Variants in TLN1 observed in about 807,000 individuals in gnomAD.
TLN1 encodes the protein talin-1.
Under a neutral mutation model 292.3 loss-of-function variants are expected in TLN1, and 56 were observed. The ratio of observed to expected loss-of-function variants is 0.19; its 90% CI spans 0.15 to 0.24. TLN1 has a LOEUF of 0.24. Among genes scored for constraint, TLN1 ranks in the 10% least tolerant of loss-of-function variants. The pLI is 1.00. For synonymous variants in TLN1, 1,119 were observed against 1,253.7 expected (o/e 0.89, Z 2.27); for missense variants, 2,433 against 3,248.2 (o/e 0.75, Z 6.10).
intron 17 of TLN1, 90 bp downstream of exon 17, chr9:35,718,722 A>G: frequency 8.6e-7 from 1 of 1,165,208 alleles, no homozygotes; most frequent in South Asian, 1.3e-5. Context: ...TTAGGGGTCA[A>G]TTCACAGAAG....
At position 35,705,580 on chromosome 9, in the gene TLN1, G is replaced by A. The variant is rs770507067; in HGVS notation, c.5704C>T (p.Pro1902Ser). 19 of 1,603,156 alleles carry A rather than the reference G, an allele frequency of 1.2e-5. No homozygotes were observed. The highest frequency in any genetic ancestry group is 1.6e-5 in the Non-Finnish European group (19 of 1,172,188). ...DYGRLASEAKPAAVAAENEEI... is the reference protein window; with the variant it reads ...DYGRLASEAKSAAVAAENEEI... The stretch of plus-strand genomic sequence containing the variant: ...TCATTTTCAGCAGCCACCGCTGCAG[G>A]CTTGGCCTCCGAGGCCAGACGGCCA... The change falls in exon 43 of 57, where the codon CCT becomes TCT. Residue 1902 changes from proline to serine, a missense_variant. Transcript: ENST00000314888.
chr9:35,706,969 G>A lies in TLN1; in HGVS notation c.4956-69C>T, dbSNP rs115517578. ...TGCAAGGCCAGCCTATCCTTCCCCT[G>A]TATCCTCCCAACACCATCCCATCTC... On this transcript the variant is annotated intron_variant, in intron 37 of 56. Transcript: ENST00000314888. The surrounding 1 kb of genome is among the most constrained non-coding windows in gnomAD (Gnocchi z 4.2). 721 of 1,608,622 alleles carry A rather than the reference G, an allele frequency of 4.5e-4. 5 individuals carry two copies. The African/African-American group carries it at 8.3e-3, about 19-fold the overall frequency.
Position 35,720,428 on chromosome 9 carries a change from C to T in TLN1, c.1283+5G>A, listed in dbSNP as rs775138869. On this transcript the variant is annotated splice_donor_5th_base_variant and intron_variant, in intron 12 of 56. Coordinates refer to ENST00000314888, the MANE Select transcript of TLN1 (RefSeq NM_006289.4). The stretch of plus-strand genomic sequence containing the variant: ...GAAATGGGATCAGCCCAACTCCCTT[C>T]GTACTTTTTGGGGGACACTGAGTCC... 20 of 1,613,838 alleles carry T rather than the reference C, an allele frequency of 1.2e-5. No individual in the cohort carries two copies. The highest frequency in any genetic ancestry group is 6.7e-5 in the Admixed American group (4 of 59,978).
In TLN1 at chr9:35,698,610, C is replaced by T. The variant is rs1476441779; in HGVS notation, c.7188+7G>A. On this transcript the variant is annotated splice_region_variant and intron_variant, in intron 54 of 56. Transcript: ENST00000314888. This position sits in a 1 kb window ranked among gnomAD's most constrained non-coding sequence, Gnocchi z 5.3. ...CTGAGAGAGACCTAGTGGTATTGCACACTTACAGCAGAAATGAGGCCCTGG... is the reference window on the plus strand; with the variant it reads ...CTGAGAGAGACCTAGTGGTATTGCATACTTACAGCAGAAATGAGGCCCTGG... The T allele has an allele frequency of 4.3e-6, 7 of 1,614,178 alleles. No individual in the cohort carries two copies. Among genetic ancestry groups the T allele is most frequent in the South Asian group, 3.3e-5 (3 of 91,088 alleles).
Position 35,719,784 on chromosome 9 carries a change from T to A in TLN1, c.1534A>T (p.Thr512Ser), listed in dbSNP as rs1587987606. 6.2e-7 allele frequency: 1 copy of A among 1,606,808 alleles called. No homozygotes were observed. The change falls in exon 14 of 57, where the codon ACC becomes TCC. Residue 512 changes from threonine to serine, a missense_variant. By Grantham distance (58) the Thr-to-Ser change is moderately conservative. Coordinates refer to ENST00000314888, the MANE Select transcript of TLN1 (RefSeq NM_006289.4). The surrounding 1 kb of genome is among the most constrained non-coding windows in gnomAD (Gnocchi z 4.6). Reference sequence around the variant, plus strand: ...GGCAGAGTGTCAAAGTCATCCAGGGTGGCCTGGGCAGCCTGCACGGCCTGC... The same window carrying A: ...GGCAGAGTGTCAAAGTCATCCAGGGAGGCCTGGGCAGCCTGCACGGCCTGC... ...SMQAVQAAQA[T>S]LDDFDTLPPL...
rs1317189014 is a variant in TLN1, at chr9:35,724,165, C to T, written c.654+27G>A. 1.8e-5 allele frequency: 29 copies of T among 1,613,882 alleles called. No homozygotes were observed. The highest frequency in any genetic ancestry group is 2.3e-5 in the Non-Finnish European group (27 of 1,179,920). ...GCTTCCGAGCCCTCCCTATTCCTGC[C>T]CCACCCCAGCCAAGTCCTCTGCATA... On this transcript the variant is annotated intron_variant, in intron 6 of 56. Transcript: ENST00000314888. The surrounding 1 kb of genome is among the most constrained non-coding windows in gnomAD (Gnocchi z 4.7).
rs1005502543 is a variant in TLN1, at chr9:35,717,123, T to C, written c.2458+23A>G. On this transcript the variant is annotated intron_variant, in intron 19 of 56. Transcript: ENST00000314888. This position sits in a 1 kb window ranked among gnomAD's most constrained non-coding sequence, Gnocchi z 4.7. ...AGGGAACCCTGGTAGGGTTTTTTGTTTTCCTGGGGGTGCGTGTCTTACCAG... is the reference window on the plus strand; with the variant it reads ...AGGGAACCCTGGTAGGGTTTTTTGTCTTCCTGGGGGTGCGTGTCTTACCAG... The C allele has an allele frequency of 1.9e-6, 3 of 1,572,066 alleles. No homozygotes were observed. The highest frequency in any genetic ancestry group is 3.6e-5 in the Admixed American group (2 of 55,956).
At position 35,716,372 on chromosome 9, in the gene TLN1, G is replaced by A. The variant is rs2131898262; in HGVS notation, c.2625+18C>T. 2 of 1,613,882 alleles carry A rather than the reference G, an allele frequency of 1.2e-6. No individual in the cohort carries two copies. Among genetic ancestry groups the A allele is most frequent in the Middle Eastern group, 3.3e-4 (2 of 6,062 alleles). ...CCTCTAGGGTCCAGTCTGGGAGTGTGCACAGAAGGCTTTGTACCTTGGCAG... is the reference window on the plus strand; with the variant it reads ...CCTCTAGGGTCCAGTCTGGGAGTGTACACAGAAGGCTTTGTACCTTGGCAG... On this transcript the variant is annotated intron_variant, in intron 20 of 56. Transcript: ENST00000314888.
In TLN1 at chr9:35,714,864, G is replaced by C; in HGVS notation, c.2767C>G (p.Gln923Glu). 2 of 1,572,098 alleles carry C rather than the reference G, an allele frequency of 1.3e-6. No homozygotes were observed. The highest frequency in any genetic ancestry group is 1.2e-5 in the South Asian group (1 of 83,468). Residue 923 changes from glutamine to glutamate, a missense_variant, in exon 22 of 57, where the codon CAG becomes GAG. By Grantham distance (29) the Gln-to-Glu change is conservative. Coordinates refer to ENST00000314888, the MANE Select transcript of TLN1 (RefSeq NM_006289.4). This position sits in a 1 kb window ranked among gnomAD's most constrained non-coding sequence, Gnocchi z 4.6. ...GTCTGTGTGGCTGAGGCTGCAGCCT[G>C]CTTGGCTGCATGCTGTGAAGACAAG... ...LVQRLEHAAK[Q>E]AAASATQTIA...
intron 1 of TLN1, among the ~76,000 whole-genome samples, chr9:35,731,329 C>T (rs574075615): frequency 2.7e-4 from 41 of 152,150 alleles, no homozygotes; most frequent in Non-Finnish European, 4.9e-4. Context: ...TTCCCAGTAC[C>T]GGCTTGGACA....
Position 35,732,115 on chromosome 9 carries a change from C to A in TLN1, c.-74G>T, listed in dbSNP as rs1319954162. Reference sequence around the variant, plus strand: ...CTGCGCCCCGCCCGCCGGCCCGCCGCCCCGCCGCTTCTCGGGTCGCCCTCG... The same window carrying A: ...CTGCGCCCCGCCCGCCGGCCCGCCGACCCGCCGCTTCTCGGGTCGCCCTCG... On this transcript the variant is annotated 5_prime_UTR_variant, in exon 1 of 57. Coordinates refer to ENST00000314888, the MANE Select transcript of TLN1 (RefSeq NM_006289.4). This position sits in a 1 kb window ranked among gnomAD's most constrained non-coding sequence, Gnocchi z 5.1. 7 of 154,032 alleles carry A rather than the reference C, an allele frequency of 4.5e-5. No individual in the cohort carries two copies. Among genetic ancestry groups the A allele is most frequent in the Non-Finnish European group, 8.7e-5 (6 of 69,020 alleles). The allele number at this position is 154,032 out of a possible 1,614,324, so 9.5% of individuals were successfully genotyped here. A position where few individuals can be genotyped will look rare whatever the true frequency, so the allele number is the denominator to read the frequency against.
Position 35,714,760 on chromosome 9 carries a change from C to G in TLN1, c.2871G>C (p.Lys957Asn). 1 of 1,600,732 alleles carries G rather than the reference C, an allele frequency of 6.2e-7. No homozygotes were observed. Among genetic ancestry groups the G allele is most frequent in the Non-Finnish European group, 8.5e-7 (1 of 1,172,452 alleles). Residue 957 changes from lysine to asparagine, a missense_variant and splice_region_variant, in exon 22 of 57, where the codon AAG becomes AAC. By Grantham distance (94) the Lys-to-Asn change is moderately conservative. Transcript: ENST00000314888. The surrounding 1 kb of genome is among the most constrained non-coding windows in gnomAD (Gnocchi z 4.6). The part of the protein sequence containing the change: ...GPQPLLVQSC[K>N]AVAEQIPLLV... Reference sequence around the variant, plus strand: ...TCCCACATCCTTCCTAGAGTCTTACCTTGCAGCTCTGCACCAGCAGGGGCT... The same window carrying G: ...TCCCACATCCTTCCTAGAGTCTTACGTTGCAGCTCTGCACCAGCAGGGGCT...
intron 1 of TLN1, among the ~76,000 whole-genome samples, chr9:35,728,331 T>C (rs1057269031): frequency 2.0e-5 from 3 of 152,038 alleles, no homozygotes; most frequent in Admixed American, 6.5e-5. Context: ...ATAAGAGGGA[T>C]GGGGGAGTAA....
chr9:35,722,966 G>T, intron 7 of TLN1, 45 bp from the exon 8 acceptor site: 1 of 1,573,544 alleles, frequency 6.4e-7, no homozygotes, highest in Non-Finnish European at 8.7e-7. Context: ...ACAGCATCAG[G>T]GGACATGTGG....
chr9:35,710,498 G>C (rs1825648216), intron 33 of TLN1, 63 bp downstream of exon 33: 1 of 1,574,812 alleles, frequency 6.3e-7, no homozygotes, highest in Non-Finnish European at 8.6e-7. Context: ...GGTATGTCAG[G>C]CTGAGAGAAA....
Position 35,714,185 on chromosome 9 carries a change from C to G in TLN1, c.3120+54G>C. The G allele has an allele frequency of 6.3e-7, 1 of 1,595,958 alleles. No individual in the cohort carries two copies. On this transcript the variant is annotated intron_variant, in intron 24 of 56. Transcript: ENST00000314888. The surrounding 1 kb of genome is among the most constrained non-coding windows in gnomAD (Gnocchi z 4.6). ...TATTGGGTTATTCTGCACAGATTTC[C>G]TCTCATCACAGGACTCCAGCCTCAT...
At chr9:35,710,434 A>G in intron 33 of TLN1, 127 bp downstream of exon 33, 2 of 1,374,528 alleles carry the variant, frequency 1.5e-6, no homozygotes, top group Non-Finnish European at 2.0e-6. Context: ...GAGGAGGACA[A>G]CCCAGATTCC....
chr9:35,724,501 C>T lies in TLN1; in HGVS notation c.511+71G>A. On this transcript the variant is annotated intron_variant, in intron 5 of 56. Coordinates refer to ENST00000314888, the MANE Select transcript of TLN1 (RefSeq NM_006289.4). The surrounding 1 kb of genome is among the most constrained non-coding windows in gnomAD (Gnocchi z 4.7). Reference sequence around the variant, plus strand: ...CCCCAGGGTGTAAAACAGTGCCTGGCAGAAGCAGATGCTGAAGCCCCTTCC... The same window carrying T: ...CCCCAGGGTGTAAAACAGTGCCTGGTAGAAGCAGATGCTGAAGCCCCTTCC... The T allele has an allele frequency of 3.8e-6, 6 of 1,580,184 alleles. No individual in the cohort carries two copies. The highest frequency in any genetic ancestry group is 1.8e-5 in the Admixed American group (1 of 55,838).
chr9:35,709,238 T>C (rs1364971744), intron 33 of TLN1, among the ~76,000 whole-genome samples: 1 of 152,084 alleles, frequency 6.6e-6, no homozygotes, highest in African/African-American at 2.4e-5. Context: ...GAGGTTGCAG[T>C]GAGCCGAGAT....
Sources: allele counts gnomAD v4.1 joint callset (sites outside exome capture counted in the v4.1 genomes callset), GRCh38; gene constraint gnomAD v4.1.1; non-coding constraint Gnocchi (gnomAD v3.1); transcripts MANE v1.5; gene names NCBI Gene and HGNC (gene_info 2026-07-23, HGNC 2026-07-21).